The following SH2D1B variants were observed in gnomAD, a reference collection of about 807,000 sequenced individuals.
SH2D1B encodes the protein SH2 domain-containing protein 1B.
A neutral mutation model predicts 16.3 loss-of-function variants in SH2D1B; 11 were observed. The observed-to-expected ratio is 0.67, with a 90% CI of 0.42 to 1.11. SH2D1B has a LOEUF of 1.11. Among genes scored for constraint, SH2D1B ranks in the 50% most tolerant of loss-of-function variants. The probability of loss-of-function intolerance (pLI) is 0.00; values close to 1 mark genes in which losing one functional copy is unlikely to be tolerated. For synonymous variants in SH2D1B, 55 were observed against 56.1 expected, an observed-to-expected ratio of 0.98 and a Z score of 0.09; for missense variants, 123 against 153.1, an observed-to-expected ratio of 0.80 and a Z score of 1.04.
Position 162,397,303 on chromosome 1 carries a change from C to G in SH2D1B, c.376G>C (p.Asp126His). ...ELETFVNSNSDYVDVLP is the reference protein window; with the variant it reads ...ELETFVNSNSHYVDVLP ...CTTCAAGGCAAGACATCCACATAAT[C>G]GCTGTTACTGTTCTTTGGAGGGAAA... The change falls in exon 4 of 4, where the codon GAT becomes CAT. Residue 126 changes from aspartate to histidine, a missense_variant. By Grantham distance (81) the Asp-to-His change is moderately conservative. Coordinates refer to ENST00000367929, the MANE Select transcript of SH2D1B (RefSeq NM_053282.5). The G allele has an allele frequency of 6.2e-7, 1 of 1,613,762 alleles. No individual in the cohort carries two copies.
intron 1 of SH2D1B, among the ~76,000 whole-genome samples, chr1:162,411,158 G>A (rs372407929): frequency 6.6e-5 from 10 of 151,972 alleles, no homozygotes; most frequent in Admixed American, 3.9e-4. Flanking sequence ...GTTTTGCCGT[G>A]TTGGCCAGGC....
Position 162,395,529 on chromosome 1 carries a change from T to C in SH2D1B, c.*1751A>G, listed in dbSNP as rs1433661884. ...TCATGACTATGAACTGTTTAATGTA[T>C]ACAGGAGGCCCTAACCAATGGGTAA... On this transcript the variant is annotated 3_prime_UTR_variant, in exon 4 of 4. Coordinates refer to ENST00000367929, the MANE Select transcript of SH2D1B (RefSeq NM_053282.5). 6.6e-6 allele frequency: 1 copy of C among 152,224 alleles called. No individual in the cohort carries two copies. Among genetic ancestry groups the C allele is most frequent in the Non-Finnish European group, 1.5e-5 (1 of 68,032 alleles). 9.4% of individuals were successfully genotyped at this position (152,224 alleles called of 1,614,324 possible). A position where few individuals can be genotyped will look rare whatever the true frequency, so the allele number is the denominator to read the frequency against.
At chr1:162,397,517 C>T (rs1648407736) in intron 3 of SH2D1B, among the ~76,000 whole-genome samples, 1 of 152,186 alleles carries the variant, frequency 6.6e-6, no homozygotes, top group Non-Finnish European at 1.5e-5. Context: ...AGCCAAGCCT[C>T]AGACCTTCCA....
At chr1:162,399,391 G>A (rs1325089264) in intron 2 of SH2D1B, among the ~76,000 whole-genome samples, 4 of 152,158 alleles carry the variant, frequency 2.6e-5, no homozygotes, top group Non-Finnish European at 5.9e-5. Context: ...ACTGTGAAGG[G>A]TACCCCTGTA....
At position 162,407,128 on chromosome 1, in the gene SH2D1B, T is replaced by C. The variant is rs1648668621; in HGVS notation, c.135-4326A>G. 2.0e-5 allele frequency among the ~76,000 whole-genome samples: 3 copies of C among 152,252 alleles called. No homozygotes were observed. In the South Asian group the frequency reaches 6.2e-4, roughly 32 times the overall value. ...CACAGTATTTTCATCACTAAATATT[T>C]AGCTCTGTGAAAGTCCTGAAGTATC... On this transcript the variant is annotated intron_variant, in intron 1 of 3. Coordinates refer to ENST00000367929, the MANE Select transcript of SH2D1B (RefSeq NM_053282.5).
At chr1:162,407,211 G>A (rs536935783) in intron 1 of SH2D1B, among the ~76,000 whole-genome samples, 2 of 152,190 alleles carry the variant, frequency 1.3e-5, no homozygotes, top group East Asian at 3.9e-4. Context: ...CCTAAGTGTC[G>A]GCCAGTCTAA....
intron 1 of SH2D1B, among the ~76,000 whole-genome samples, chr1:162,403,509 AAAATATATATATATAT>A (rs1322408859): frequency 7.6e-4 from 13 of 17,162 alleles, no homozygotes; most frequent in South Asian, 5.5e-3. Context: ...AAAAAAAAAA[AAAATATATATATATAT>A]ATATATATAT....
chr1:162,402,178 C>T (rs190896143), intron 2 of SH2D1B, among the ~76,000 whole-genome samples: 1 of 152,242 alleles, frequency 6.6e-6, no homozygotes, highest in Non-Finnish European at 1.5e-5. Context: ...TGTGTTTGGC[C>T]AGTGGAGGAG....
rs56135340 is a variant in SH2D1B, at chr1:162,398,565, C to T, written c.363+358G>A. ...ATATTGAGCAAAGTGTAACAGTATA[C>T]GCTTTGGGGAGGGCTTGAAGGGCTA... is the stretch of plus-strand genomic sequence containing the variant. On this transcript the variant is annotated intron_variant, in intron 3 of 3. Coordinates refer to ENST00000367929, the MANE Select transcript of SH2D1B (RefSeq NM_053282.5). Among the ~76,000 whole-genome samples, 559 of 152,240 alleles carry T rather than the reference C, an allele frequency of 3.7e-3. 5 individuals are homozygous for T. The highest frequency in any genetic ancestry group is 0.013 in the African/African-American group (521 of 41,546).
intron 2 of SH2D1B, among the ~76,000 whole-genome samples, chr1:162,400,037 T>C (rs928849589): frequency 2.6e-5 from 4 of 152,346 alleles, no homozygotes; most frequent in South Asian, 4.1e-4. Context: ...CCATGGTGTA[T>C]ATGTACCACA....
intron 1 of SH2D1B, among the ~76,000 whole-genome samples, chr1:162,405,518 T>C (rs989962931): frequency 6.6e-6 from 1 of 152,238 alleles, no homozygotes; most frequent in African/African-American, 2.4e-5. Context: ...TAATTCCTTA[T>C]ACATATGTGC....
chr1:162,402,811 A>G lies in SH2D1B; in HGVS notation c.135-9T>C. On this transcript the variant is annotated splice_polypyrimidine_tract_variant and intron_variant, in intron 1 of 3. Transcript: ENST00000367929. ...AGACAATATTTTTAAACCTGTGGAA[A>G]AAATGACTGTGTGAATCAAAATGTT... is the stretch of plus-strand genomic sequence containing the variant. 6.2e-7 allele frequency: 1 copy of G among 1,610,854 alleles called. No individual in the cohort carries two copies. The highest frequency in any genetic ancestry group is 2.2e-5 in the East Asian group (1 of 44,870).
intron 1 of SH2D1B, among the ~76,000 whole-genome samples, chr1:162,409,568 C>G (rs1648744852): frequency 6.6e-6 from 1 of 151,920 alleles, no homozygotes; most frequent in Non-Finnish European, 1.5e-5. Flanking sequence ...GTAAGCAGAT[C>G]TTTTCCACTC....
chr1:162,402,056 C>G (rs1187308847), intron 2 of SH2D1B, among the ~76,000 whole-genome samples: 1 of 152,188 alleles, frequency 6.6e-6, no homozygotes, highest in Non-Finnish European at 1.5e-5. Context: ...CTATTGGGCA[C>G]ACTTGACTCC....
chr1:162,400,457 ATTTTTT>A (rs34822047), intron 2 of SH2D1B, among the ~76,000 whole-genome samples: 48 of 110,830 alleles, frequency 4.3e-4, no homozygotes, highest in Admixed American at 2.5e-3. Context: ...TACCTGGCTA[ATTTTTT>A]TTTTTTTTTT....
At chr1:162,400,890 G>A (rs924378563) in intron 2 of SH2D1B, among the ~76,000 whole-genome samples, 6 of 152,138 alleles carry the variant, frequency 3.9e-5, no homozygotes, top group African/African-American at 9.7e-5. Context: ...GGAAGTTGCA[G>A]TGAGCCGAGA....
intron 1 of SH2D1B, among the ~76,000 whole-genome samples, chr1:162,404,236 T>C (rs1648599303): frequency 6.6e-6 from 1 of 152,062 alleles, no homozygotes; most frequent in South Asian, 2.1e-4. Context: ...CTCAGGCGGC[T>C]GAGACAGGAG....
Position 162,395,979 on chromosome 1 carries a change from A to G in SH2D1B, c.*1301T>C, listed in dbSNP as rs766614644. ...ATTTCACGTATTTATTATAAAATGT[A>G]TATAGAAGAATCAAGGTCCATGAAT... On this transcript the variant is annotated 3_prime_UTR_variant, in exon 4 of 4. Transcript: ENST00000367929. 2 of 152,246 alleles carry G rather than the reference A, an allele frequency of 1.3e-5. No homozygotes were observed. Among genetic ancestry groups the G allele is most frequent in the African/African-American group, 4.8e-5 (2 of 41,470 alleles). The allele number at this position is 152,246 out of a possible 1,614,324, so 9.4% of individuals were successfully genotyped here.
chr1:162,407,560 C>T (rs1042793241), intron 1 of SH2D1B, among the ~76,000 whole-genome samples: 2 of 152,182 alleles, frequency 1.3e-5, no homozygotes, highest in African/African-American at 4.8e-5. Flanking sequence ...TAAGATAATG[C>T]ATGTACCATG....
Sources: allele counts gnomAD v4.1 joint callset (sites outside exome capture counted in the v4.1 genomes callset), GRCh38; gene constraint gnomAD v4.1.1; transcripts MANE v1.5; gene names NCBI Gene and HGNC (gene_info 2026-07-23, HGNC 2026-07-21).